SEMA3A: variants seen among roughly 807,000 people sequenced by gnomAD.
SEMA3A encodes semaphorin-3A.
A neutral mutation model predicts 97.9 loss-of-function variants in SEMA3A; 29 were observed. The observed-to-expected ratio is 0.30, with a 90% confidence interval of 0.22 to 0.40. The LOEUF (loss-of-function observed/expected upper bound fraction) is 0.40, where lower values mean the gene tolerates loss of function less well. Among genes scored for constraint, SEMA3A ranks in the 10% least tolerant of loss-of-function variants. SEMA3A has a pLI of 1.00. For missense variants in SEMA3A, 763 were observed against 951.3 expected, an observed-to-expected ratio of 0.80 and a Z score of 2.60; for synonymous variants, 321 against 323.7, an observed-to-expected ratio of 0.99 and a Z score of 0.09.
intron 2 of SEMA3A, among the ~76,000 whole-genome samples, chr7:84,315,255 T>G (rs780003394): frequency 1.3e-5 from 2 of 152,120 alleles, no homozygotes; most frequent in African/African-American, 2.4e-5. Context: ...CATGAAATAT[T>G]CTCCTCCAGA....
At chr7:84,030,526 A>ATT (rs1791702996) in intron 6 of SEMA3A, among the ~76,000 whole-genome samples, 1 of 151,706 alleles carries the variant, frequency 6.6e-6, no homozygotes, top group African/African-American at 2.4e-5. Flanking sequence ...CATGATTTAA[A>ATT]TCTCTGAGAA....
At chr7:84,406,524 AG>A (rs1430040847) in intron 1 of SEMA3A, among the ~76,000 whole-genome samples, 1 of 152,216 alleles carries the variant, frequency 6.6e-6, no homozygotes, top group African/African-American at 2.4e-5. Flanking sequence ...ACAGAAAAAG[AG>A]GGAATCCTCC....
intron 3 of SEMA3A, among the ~76,000 whole-genome samples, chr7:84,273,356 T>C (rs1383384225): frequency 6.6e-6 from 1 of 152,096 alleles, no homozygotes; most frequent in Non-Finnish European, 1.5e-5. Context: ...TATTAATAGA[T>C]TGTATTCAAA....
chr7:84,264,818 C>T (rs1799949825), intron 3 of SEMA3A, among the ~76,000 whole-genome samples: 1 of 152,168 alleles, frequency 6.6e-6, no homozygotes, highest in Non-Finnish European at 1.5e-5. Context: ...GACACTGTCT[C>T]CTGTAAGTAA....
intron 1 of SEMA3A, among the ~76,000 whole-genome samples, chr7:84,147,365 T>C (rs1796493061): frequency 6.6e-6 from 1 of 152,166 alleles, no homozygotes; most frequent in South Asian, 2.1e-4. Flanking sequence ...CATCCCAAGA[T>C]ACATTTTGGG....
chr7:84,383,877 C>T (rs982550351), intron 1 of SEMA3A, among the ~76,000 whole-genome samples: 2 of 152,180 alleles, frequency 1.3e-5, no homozygotes, highest in African/African-American at 4.8e-5. Context: ...GCTCTTTACA[C>T]TTAAAAAATA....
At chr7:84,357,349 T>C (rs566125046) in intron 2 of SEMA3A, among the ~76,000 whole-genome samples, 3 of 144,342 alleles carry the variant, frequency 2.1e-5, no homozygotes, top group Admixed American at 6.9e-5. Context: ...AGTGTTCTCA[T>C]TGTTCAGTTC....
chr7:84,095,358 C>CACACACACATATATATATATATATATAT (rs1211794166), intron 4 of SEMA3A, among the ~76,000 whole-genome samples: 1 of 122,904 alleles, frequency 8.1e-6, no homozygotes, highest in African/African-American at 3.5e-5. Flanking sequence ...TTTTTATATA[C>CACACACACATATATATATATATATATAT]ATATATATAT....
intron 1 of SEMA3A, among the ~76,000 whole-genome samples, chr7:84,155,606 G>A (rs1796823224): frequency 6.6e-6 from 1 of 152,016 alleles, no homozygotes; most frequent in Non-Finnish European, 1.5e-5. Flanking sequence ...ACTTGTTTCT[G>A]CTTTACACTC....
At chr7:83,983,187 C>CTCTCTTTCTTTCTT (rs1212015569) in intron 13 of SEMA3A, among the ~76,000 whole-genome samples, 5 of 151,752 alleles carry the variant, frequency 3.3e-5, no homozygotes, top group African/African-American at 7.3e-5. Flanking sequence ...CCCCATTTCT[C>CTCTCTTTCTTTCTT]TCTCTTTCTT....
intron 4 of SEMA3A, among the ~76,000 whole-genome samples, chr7:84,091,355 A>AG (rs1225580544): frequency 3.3e-5 from 4 of 119,728 alleles, no homozygotes; most frequent in Non-Finnish European, 6.1e-5. Flanking sequence ...GAAGGAAGGA[A>AG]GAAAGGAAGA....
At chr7:83,968,611 C>T (rs1386914393) in intron 15 of SEMA3A, among the ~76,000 whole-genome samples, 2 of 151,866 alleles carry the variant, frequency 1.3e-5, no homozygotes, top group African/African-American at 2.4e-5. Flanking sequence ...ATATTCTTGC[C>T]GCATGTCTGT....
At chr7:84,307,098 A>G (rs1411495232) in intron 3 of SEMA3A, 1 of 152,154 alleles carries the variant, frequency 6.6e-6, no homozygotes, top group African/African-American at 2.4e-5. Flanking sequence ...AGTGCTCTTA[A>G]TTTTTAAAAA....
intron 2 of SEMA3A, among the ~76,000 whole-genome samples, chr7:84,331,320 A>T (rs1463795867): frequency 2.0e-5 from 3 of 152,136 alleles, no homozygotes; most frequent in Non-Finnish European, 4.4e-5. Flanking sequence ...ATATTTTATG[A>T]CAAGAGCCTT....
intron 5 of SEMA3A, among the ~76,000 whole-genome samples, chr7:84,048,113 C>T (rs1441675991): frequency 6.6e-6 from 1 of 151,904 alleles, no homozygotes; most frequent in Non-Finnish European, 1.5e-5. Context: ...AAAAAAGATG[C>T]TTAGATAATA....
At position 84,052,659 on chromosome 7, in the gene SEMA3A, C is replaced by A. The variant is rs556248593; in HGVS notation, c.548-6216G>T. Among the ~76,000 whole-genome samples, 5 of 152,160 alleles carry A rather than the reference C, an allele frequency of 3.3e-5. No homozygotes were observed. The East Asian group carries it at 9.7e-4, about 29-fold the overall frequency. The stretch of plus-strand genomic sequence containing the variant: ...CAATTTTGTTGATCCTTTCAAAAAA[C>A]CAGCTCCTGGATTCATTAATTTTTG... On this transcript the variant is annotated intron_variant, in intron 5 of 16. Transcript: ENST00000265362.
intron 4 of SEMA3A, among the ~76,000 whole-genome samples, chr7:84,097,932 C>T (rs527579076): frequency 6.6e-6 from 1 of 151,960 alleles, no homozygotes; most frequent in South Asian, 2.1e-4. Flanking sequence ...CTGGAATTTC[C>T]AAAGATTCAT....
intron 1 of SEMA3A, among the ~76,000 whole-genome samples, chr7:84,463,710 A>G (rs1805921635): frequency 6.6e-6 from 1 of 152,074 alleles, no homozygotes; most frequent in Non-Finnish European, 1.5e-5. Context: ...CCTGTTAAAC[A>G]CCTGTTCAAC....
intron 6 of SEMA3A, 97 bp downstream of exon 6, chr7:84,046,227 A>C: frequency 7.1e-7 from 1 of 1,401,274 alleles, no homozygotes; most frequent in Middle Eastern, 1.9e-4. Flanking sequence ...CTGCACAATA[A>C]ATTTCAAGTC....
Sources: allele counts gnomAD v4.1 joint callset (sites outside exome capture counted in the v4.1 genomes callset), GRCh38; gene constraint gnomAD v4.1.1; transcripts MANE v1.5; gene names NCBI Gene and HGNC (gene_info 2026-07-23, HGNC 2026-07-21).